USP34: variants seen among roughly 807,000 people sequenced by gnomAD.
The protein encoded by USP34 is ubiquitin specific peptidase 34.
In USP34, 70 loss-of-function variants were observed where a neutral mutation model predicts 460.3. The ratio of observed to expected loss-of-function variants is 0.15; its 90% CI spans 0.13 to 0.19. USP34 has a LOEUF of 0.19. USP34 is among the 10% of genes least tolerant of loss of function. The pLI is 1.00. For missense variants in USP34, 3,985 were observed against 4,236.2 expected (o/e 0.94, Z 1.65); for synonymous variants, 1,647 against 1,405.3 (o/e 1.17, Z -3.85).
At chr2:61,245,510 G>T (rs1397749898) in intron 50 of USP34, among the ~76,000 whole-genome samples, 2 of 150,702 alleles carry the variant, frequency 1.3e-5, no homozygotes, top group Non-Finnish European at 3.0e-5. Flanking sequence ...TATGACCTAG[G>T]ATTAACAAAA....
At chr2:61,208,500 T>G (rs1208334550) in intron 70 of USP34, 1 of 152,612 alleles carries the variant, frequency 6.6e-6, no homozygotes, top group Non-Finnish European at 1.5e-5. Flanking sequence ...CTTTCTAAAT[T>G]AACTGAGACC....
chr2:61,341,746 C>G (rs946850746), intron 16 of USP34, among the ~76,000 whole-genome samples: 8 of 148,372 alleles, frequency 5.4e-5, no homozygotes, highest in East Asian at 2.0e-4. Context: ...TACCCAGACT[C>G]AGGTCTTTCT....
intron 10 of USP34, among the ~76,000 whole-genome samples, chr2:61,368,598 T>C (rs1692512976): frequency 6.6e-6 from 1 of 152,070 alleles, no homozygotes; most frequent in Non-Finnish European, 1.5e-5. Context: ...AAAAAATTGG[T>C]ATATCAAGTC....
In USP34 at chr2:61,389,264, G is replaced by A. The variant is rs561810244; in HGVS notation, c.753+5589C>T. ...GACAATGTTCTGTTTCTTGGTTTGA[G>A]TGATGGTTAAACGAATATTTGCTTT... On this transcript the variant is annotated intron_variant, in intron 5 of 79. Transcript: ENST00000398571. Among the ~76,000 whole-genome samples, 24 of 152,288 alleles carry A rather than the reference G, an allele frequency of 1.6e-4. 1 individual carries two copies. The South Asian group carries it at 5.0e-3, about 32-fold the overall frequency.
intron 69 of USP34, among the ~76,000 whole-genome samples, chr2:61,210,271 AG>A (rs1211692784): frequency 6.6e-6 from 1 of 152,220 alleles, no homozygotes; most frequent in Non-Finnish European, 1.5e-5. Context: ...ATTCATGGTA[AG>A]TGCCCTACAC....
intron 41 of USP34, among the ~76,000 whole-genome samples, chr2:61,277,527 G>A (rs1008319364): frequency 3.8e-4 from 58 of 152,094 alleles, no homozygotes; most frequent in Admixed American, 2.5e-3. Context: ...ACGAGCCACC[G>A]TGCCCAGCCT....
At chr2:61,215,976 GTC>G (rs1687384295) in intron 67 of USP34, among the ~76,000 whole-genome samples, 1 of 152,138 alleles carries the variant, frequency 6.6e-6, no homozygotes, top group Non-Finnish European at 1.5e-5. Context: ...ACTCTCTAAT[GTC>G]TGAGTTTGGG....
intron 27 of USP34, among the ~76,000 whole-genome samples, chr2:61,304,947 C>A (rs1227932946): frequency 6.6e-6 from 1 of 152,084 alleles, no homozygotes; most frequent in East Asian, 1.9e-4. Flanking sequence ...AATGAAATCT[C>A]AAAAAACTCT....
chr2:61,427,280 G>A (rs1359406595), intron 1 of USP34, among the ~76,000 whole-genome samples: 1 of 152,128 alleles, frequency 6.6e-6, no homozygotes, highest in African/African-American at 2.4e-5. Flanking sequence ...CACCCGCCTT[G>A]GCCTCCCAAA....
intron 48 of USP34, among the ~76,000 whole-genome samples, chr2:61,255,598 G>A (rs1218213586): frequency 6.6e-6 from 1 of 152,232 alleles, no homozygotes; most frequent in Non-Finnish European, 1.5e-5. Flanking sequence ...TCTCACAACA[G>A]TGCTTGCTAA....
In USP34 at chr2:61,214,399, G is replaced by A. The variant is rs969300413; in HGVS notation, c.8343C>T (p.Asn2781=). 1 of 1,614,120 alleles carries A rather than the reference G, an allele frequency of 6.2e-7. No homozygotes were observed. Among genetic ancestry groups the A allele is most frequent in the Non-Finnish European group, 8.5e-7 (1 of 1,180,010 alleles). Residue 2781 remains asparagine, a synonymous_variant, in exon 68 of 80, where the codon AAC becomes AAT. Transcript: ENST00000398571. ...MFSTYFMDLW[N]LFQPKLSEPA... is the part of the protein sequence containing the mutation. ...GCTCAGAAAGTTTAGGCTGGAAAAG[G>A]TTCCACAAATCCATGAAATATGTGG...
intron 75 of USP34, among the ~76,000 whole-genome samples, chr2:61,195,209 ACT>A (rs924363582): frequency 8.6e-5 from 13 of 150,414 alleles, no homozygotes; most frequent in African/African-American, 2.2e-4. Flanking sequence ...GACAGAGCAA[ACT>A]CTCTCAAAAA....
chr2:61,278,152 T>A lies in USP34; in HGVS notation c.5433+13A>T, dbSNP rs374255870. On this transcript the variant is annotated intron_variant, in intron 41 of 79. Transcript: ENST00000398571. ...CACATTTCATAGAAACATTTGATTATCTTAACACTTACCTGTCCTTCCCTT... is the reference window on the plus strand; with the variant it reads ...CACATTTCATAGAAACATTTGATTAACTTAACACTTACCTGTCCTTCCCTT... 39 of 1,610,508 alleles carry A rather than the reference T, an allele frequency of 2.4e-5. No homozygotes were observed. Among genetic ancestry groups the A allele is most frequent in the Non-Finnish European group, 3.2e-5 (38 of 1,178,230 alleles).
chr2:61,238,956 A>G (rs1339719543), intron 53 of USP34, among the ~76,000 whole-genome samples: 2 of 151,204 alleles, frequency 1.3e-5, no homozygotes, highest in Non-Finnish European at 2.9e-5. Context: ...TATTTCAAAC[A>G]TTTTCATCAT....
At chr2:61,382,147 T>C (rs1392691344) in intron 6 of USP34, among the ~76,000 whole-genome samples, 1 of 152,220 alleles carries the variant, frequency 6.6e-6, no homozygotes, top group Non-Finnish European at 1.5e-5. Flanking sequence ...TCCTCCTAGC[T>C]TCTATTCCAG....
chr2:61,462,492 T>G (rs1436173951), intron 1 of USP34, among the ~76,000 whole-genome samples: 1 of 147,042 alleles, frequency 6.8e-6, no homozygotes, highest in Non-Finnish European at 1.5e-5. Flanking sequence ...GAGGTTGAAG[T>G]GAGCCAAGAT....
chr2:61,323,514 CAAA>C (rs10713213), intron 21 of USP34, among the ~76,000 whole-genome samples: 10 of 101,316 alleles, frequency 9.9e-5, no homozygotes, highest in Admixed American at 1.0e-4. Context: ...GACTCCGCCT[CAAA>C]AAAAAAAAAA....
chr2:61,326,501 T>C (rs1021585015), intron 20 of USP34, among the ~76,000 whole-genome samples: 1 of 152,194 alleles, frequency 6.6e-6, no homozygotes, highest in Non-Finnish European at 1.5e-5. Context: ...GTGCTGGGAT[T>C]ACAGGTGTCA....
At position 61,348,146 on chromosome 2, in the gene USP34, C is replaced by G. The variant is rs769971844; in HGVS notation, c.2009G>C (p.Gly670Ala). The change falls in exon 15 of 80, where the codon GGA (glycine) becomes GCA (alanine). Residue 670 changes from glycine (G) to alanine (A), a missense_variant. Physicochemically the swap from Gly to Ala is moderately conservative, Grantham distance 60. This residue lies in a region of USP34 where 716 missense variants were observed against 626.2 expected (regional missense o/e 1.14). Coordinates refer to ENST00000398571, the MANE Select transcript of USP34 (RefSeq NM_014709.4). ...GMSERNGTSS[G>A]TGKDLVFNTE... is the part of the protein sequence containing the mutation. ...GTTAAAAACCAGGTCCTTTCCTGTTCCGCTGCTTGTCCCATTTCTTTCTGA... is the reference window on the plus strand; with the variant it reads ...GTTAAAAACCAGGTCCTTTCCTGTTGCGCTGCTTGTCCCATTTCTTTCTGA... The G allele has an allele frequency of 1.9e-6, 3 of 1,614,234 alleles. No homozygotes were observed. In the Admixed American group the frequency reaches 5.0e-5, roughly 27 times the overall value.
Sources: allele counts gnomAD v4.1 joint callset (sites outside exome capture counted in the v4.1 genomes callset), GRCh38; gene constraint gnomAD v4.1.1; regional missense constraint gnomAD v4.1.1; transcripts MANE v1.5; gene names NCBI Gene and HGNC (gene_info 2026-07-23, HGNC 2026-07-21).